Variants in DENND1A observed in about 807,000 individuals in gnomAD.
DENND1A encodes the protein DENN domain-containing protein 1A.
In DENND1A, 51 loss-of-function variants were observed where a neutral mutation model predicts 113.7. That is an observed-to-expected ratio of 0.45 (90% confidence interval 0.36 to 0.57). The LOEUF (loss-of-function observed/expected upper bound fraction) is 0.57, where lower values mean the gene tolerates loss of function less well. DENND1A is among the 20% of genes least tolerant of loss of function. The pLI is 0.00. For missense variants in DENND1A, 1,258 were observed against 1,395.9 expected (o/e 0.90, Z 1.57); for synonymous variants, 565 against 570.8 (o/e 0.99, Z 0.14).
At chr9:123,592,307 A>G in intron 11 of DENND1A, among the ~76,000 whole-genome samples, 1 of 152,238 alleles carries the variant, frequency 6.6e-6, no homozygotes, top group East Asian at 1.9e-4. Context: ...TAAAAATTAA[A>G]CTACCACCAA....
chr9:123,910,583 A>ATGT (rs1259805101), intron 1 of DENND1A, among the ~76,000 whole-genome samples: 5 of 152,248 alleles, frequency 3.3e-5, no homozygotes, highest in African/African-American at 1.2e-4. Flanking sequence ...AACAGAACAC[A>ATGT]TCAAAAAGTA....
chr9:123,743,104 T>TA (rs924477060), intron 5 of DENND1A, among the ~76,000 whole-genome samples: 9 of 151,430 alleles, frequency 5.9e-5, no homozygotes, highest in African/African-American at 7.3e-5. Context: ...GTATGTCCAT[T>TA]AAAAAAAAAT....
At chr9:123,810,566 A>C (rs113088411) in intron 2 of DENND1A, among the ~76,000 whole-genome samples, 4,257 of 149,802 alleles carry the variant, frequency 0.028, 153 homozygotes, top group African/African-American at 0.1. Flanking sequence ...AAAAAAAAAA[A>C]AAACAAACAT....
At chr9:123,537,592 A>G (rs991188515) in intron 13 of DENND1A, among the ~76,000 whole-genome samples, 13 of 152,058 alleles carry the variant, frequency 8.5e-5, no homozygotes, top group African/African-American at 2.7e-4. Context: ...ACAGAACCAG[A>G]ACAACTACCA....
At chr9:123,449,841 G>A (rs2047578495) in intron 18 of DENND1A, among the ~76,000 whole-genome samples, 1 of 152,100 alleles carries the variant, frequency 6.6e-6, no homozygotes, top group Non-Finnish European at 1.5e-5. Context: ...GCGGACTCGG[G>A]GAAAGGCTGG....
At chr9:123,883,158 A>G (rs1374643706) in intron 1 of DENND1A, among the ~76,000 whole-genome samples, 2 of 152,146 alleles carry the variant, frequency 1.3e-5, no homozygotes, top group Non-Finnish European at 2.9e-5. Context: ...ACCTTCCCCA[A>G]CACACACTCT....
chr9:123,407,109 C>G (rs1398213721), intron 20 of DENND1A, among the ~76,000 whole-genome samples: 3 of 121,086 alleles, frequency 2.5e-5, no homozygotes, highest in South Asian at 2.6e-4. Flanking sequence ...TCAGCGGGAT[C>G]GGTGGAGGAG....
At chr9:123,443,989 C>A (rs1335417438) in intron 18 of DENND1A, among the ~76,000 whole-genome samples, 2 of 152,000 alleles carry the variant, frequency 1.3e-5, no homozygotes, top group Non-Finnish European at 2.9e-5. Context: ...CATTCAAATT[C>A]TCTGTTCTAT....
chr9:123,808,250 A>C (rs543498033), intron 2 of DENND1A, among the ~76,000 whole-genome samples: 3 of 152,124 alleles, frequency 2.0e-5, no homozygotes, highest in Admixed American at 6.5e-5. Context: ...ACCAAAAAAA[A>C]CACCAAAAAA....
chr9:123,566,587 A>G (rs990426173), intron 12 of DENND1A, among the ~76,000 whole-genome samples: 17 of 152,222 alleles, frequency 1.1e-4, no homozygotes, highest in African/African-American at 4.1e-4. Flanking sequence ...GGCTCTGCTG[A>G]GCATCCCAGG....
intron 12 of DENND1A, among the ~76,000 whole-genome samples, chr9:123,560,160 CA>C (rs1431010204): frequency 1.3e-5 from 2 of 152,150 alleles, no homozygotes; most frequent in African/African-American, 4.8e-5. Flanking sequence ...GATTCATGTG[CA>C]AGCTTTTGTG....
chr9:123,388,447 G>A (rs1016420090), intron 21 of DENND1A, among the ~76,000 whole-genome samples: 2 of 152,088 alleles, frequency 1.3e-5, no homozygotes, highest in African/African-American at 4.8e-5. Context: ...TCTACAATGA[G>A]CATATCTATT....
intron 8 of DENND1A, among the ~76,000 whole-genome samples, chr9:123,659,521 G>A (rs964887005): frequency 1.3e-5 from 2 of 152,200 alleles, no homozygotes; most frequent in Non-Finnish European, 2.9e-5. Context: ...GATCTCAAGG[G>A]AGGTTAAGAC....
chr9:123,759,703 C>T (rs1294531204), intron 4 of DENND1A: 2 of 152,158 alleles, frequency 1.3e-5, no homozygotes, highest in Admixed American at 1.3e-4. Flanking sequence ...GGGATTACCG[C>T]CTGGCCAGGA....
At chr9:123,595,855 C>T (rs2059663172) in intron 11 of DENND1A, among the ~76,000 whole-genome samples, 1 of 152,112 alleles carries the variant, frequency 6.6e-6, no homozygotes, top group Non-Finnish European at 1.5e-5. Flanking sequence ...CCTAGCAATC[C>T]ACTCTAGAAA....
intron 11 of DENND1A, among the ~76,000 whole-genome samples, chr9:123,596,191 C>T (rs2059683030): frequency 6.6e-6 from 1 of 152,308 alleles, no homozygotes; most frequent in Middle Eastern, 3.4e-3. Context: ...ACTCCTATCC[C>T]CGCCTCAGGT....
intron 13 of DENND1A, chr9:123,492,679 T>C (rs911828716): frequency 6.6e-6 from 1 of 152,244 alleles, no homozygotes; most frequent in Admixed American, 6.5e-5. Flanking sequence ...CGAAGCATCA[T>C]GGAGCTGGCA....
At chr9:123,547,403 C>A (rs2056771938) in intron 13 of DENND1A, among the ~76,000 whole-genome samples, 1 of 152,124 alleles carries the variant, frequency 6.6e-6, no homozygotes, top group Admixed American at 6.5e-5. Flanking sequence ...GTGGCGCATG[C>A]CTGTAATCTC....
At chr9:123,508,332 A>C (rs2053151388) in intron 13 of DENND1A, among the ~76,000 whole-genome samples, 1 of 152,254 alleles carries the variant, frequency 6.6e-6, no homozygotes, top group South Asian at 2.1e-4. Context: ...GCTTACAGAA[A>C]ATACAGCCAT....
Sources: allele counts gnomAD v4.1 joint callset (sites outside exome capture counted in the v4.1 genomes callset), GRCh38; gene constraint gnomAD v4.1.1; transcripts MANE v1.5; gene names NCBI Gene and HGNC (gene_info 2026-07-23, HGNC 2026-07-21).